Variants in DLGAP2 observed in about 807,000 individuals in gnomAD.
The protein encoded by DLGAP2 is disks large-associated protein 2.
Under a neutral mutation model 100.3 loss-of-function variants are expected in DLGAP2, and 26 were observed. That is an observed-to-expected ratio of 0.26 (90% CI 0.19 to 0.36). DLGAP2 has a LOEUF of 0.36. Ranked by LOEUF, DLGAP2 falls within the 10% of genes least tolerant of loss-of-function variation. The pLI is 1.00. For synonymous variants in DLGAP2, 886 were observed against 630.1 expected (o/e 1.41, Z -6.08); for missense variants, 1,858 against 1,453.2 (o/e 1.28, Z -4.53).
chr8:1,606,256 A>C (rs1796795441), intron 6 of DLGAP2, among the ~76,000 whole-genome samples: 1 of 152,096 alleles, frequency 6.6e-6, no homozygotes, highest in South Asian at 2.1e-4. Context: ...TTCCTCCTTT[A>C]TTGAGTTATG....
At chr8:1,093,176 A>T (rs1283232053) in intron 2 of DLGAP2, among the ~76,000 whole-genome samples, 1 of 152,172 alleles carries the variant, frequency 6.6e-6, no homozygotes. Context: ...CTTCACCCAC[A>T]GTCCACCAAT....
In DLGAP2 at chr8:774,190, A is replaced by G. The variant is rs1019572583; in HGVS notation, c.18+36365A>G. On this transcript the variant is annotated intron_variant, in intron 1 of 14. Transcript: ENST00000637795. Reference sequence around the variant, plus strand: ...CATGTCCTTCACCTACTTTTTGATGAGGTTGTTTGTTTTTTTCTTGTAAAT... The same window carrying G: ...CATGTCCTTCACCTACTTTTTGATGGGGTTGTTTGTTTTTTTCTTGTAAAT... Among the ~76,000 whole-genome samples, 23 of 151,762 alleles carry G rather than the reference A, an allele frequency of 1.5e-4. 1 individual carries two copies. The highest frequency in any genetic ancestry group is 5.8e-4 in the East Asian group (3 of 5,140).
chr8:1,548,807 G>C lies in DLGAP2; in HGVS notation c.354G>C (p.Pro118=). The change falls in exon 5 of 15, where the codon CCG becomes CCC. Residue 118 remains proline (P), a synonymous_variant. Coordinates refer to ENST00000637795, the MANE Select transcript of DLGAP2 (RefSeq NM_001346810.2). The part of the protein sequence containing the change: ...EHLHHGPDAR[P]PYLLSPADSC... ...TGCACCACGGGCCCGACGCGCGGCC[G>C]CCCTACCTGCTGAGCCCCGCCGACA... is the stretch of plus-strand genomic sequence containing the variant. The C allele has an allele frequency of 6.3e-7, 1 of 1,579,960 alleles. No homozygotes were observed. The highest frequency in any genetic ancestry group is 8.6e-7 in the Non-Finnish European group (1 of 1,167,214).
rs750780775 is a variant in DLGAP2, at chr8:1,504,637, G to C, written c.172+3206G>C. ...AGATTCCACGTGTAAGTGAGGTCACGCGGCACCTGTCTTTCTGTGCCTGGC... is the reference window on the plus strand; with the variant it reads ...AGATTCCACGTGTAAGTGAGGTCACCCGGCACCTGTCTTTCTGTGCCTGGC... On this transcript the variant is annotated intron_variant, in intron 4 of 14. Transcript: ENST00000637795. 2.0e-5 allele frequency among the ~76,000 whole-genome samples: 3 copies of C among 152,264 alleles called. No homozygotes were observed. In the East Asian group the frequency reaches 5.8e-4, roughly 29 times the overall value.
intron 5 of DLGAP2, among the ~76,000 whole-genome samples, chr8:1,558,225 G>A (rs898774247): frequency 1.3e-5 from 2 of 152,226 alleles, no homozygotes; most frequent in Non-Finnish European, 2.9e-5. Context: ...AGGGCGATAG[G>A]AGCTGGACGG....
intron 6 of DLGAP2, among the ~76,000 whole-genome samples, chr8:1,569,354 G>A (rs945895828): frequency 5.3e-5 from 8 of 152,182 alleles, no homozygotes; most frequent in South Asian, 2.1e-4. Flanking sequence ...TAAATCTGAC[G>A]CCGTGTTGTA....
intron 8 of DLGAP2, among the ~76,000 whole-genome samples, chr8:1,653,398 G>C (rs995802764): frequency 6.6e-6 from 1 of 152,182 alleles, no homozygotes; most frequent in Admixed American, 6.5e-5. Context: ...AACCGAGCCC[G>C]GGTATCCCGT....
intron 3 of DLGAP2, among the ~76,000 whole-genome samples, chr8:1,430,923 G>T (rs545265194): frequency 6.6e-6 from 1 of 152,122 alleles, no homozygotes; most frequent in Admixed American, 6.5e-5. Context: ...ATTCTGACTC[G>T]GCTGTTGACT....
chr8:855,848 A>G (rs1039560510), intron 1 of DLGAP2, among the ~76,000 whole-genome samples: 7 of 152,206 alleles, frequency 4.6e-5, no homozygotes, highest in South Asian at 2.1e-4. Context: ...AAAAAATCCA[A>G]TCCCATTAAT....
At chr8:1,273,737 C>T (rs1488686624) in intron 3 of DLGAP2, among the ~76,000 whole-genome samples, 1 of 152,200 alleles carries the variant, frequency 6.6e-6, no homozygotes, top group Non-Finnish European at 1.5e-5. Context: ...TCTAATGAAT[C>T]AGGATATCTG....
chr8:996,521 A>T (rs1231515292), intron 2 of DLGAP2, among the ~76,000 whole-genome samples: 2 of 152,178 alleles, frequency 1.3e-5, no homozygotes, highest in Non-Finnish European at 2.9e-5. Flanking sequence ...TGTCGATGGG[A>T]TGTGGCTACA....
rs148436047 is a variant in DLGAP2, at chr8:1,282,145, C to T, written c.106+23262C>T. Among the ~76,000 whole-genome samples the T allele has an allele frequency of 5.3e-3, 785 of 148,410 alleles. 3 individuals carry two copies. The highest frequency in any genetic ancestry group is 0.017 in the African/African-American group (676 of 39,820). ...CGGACATGGTGTGACCTGAACCCAG[C>T]GCATGTACCATCCAGACGTGGTGTG... On this transcript the variant is annotated intron_variant, in intron 3 of 14. Coordinates refer to ENST00000637795, the MANE Select transcript of DLGAP2 (RefSeq NM_001346810.2).
chr8:1,704,525 T>A lies in DLGAP2; in HGVS notation c.*3119T>A, dbSNP rs1291101262. On this transcript the variant is annotated 3_prime_UTR_variant, in exon 15 of 15. Transcript: ENST00000637795. Reference sequence around the variant, plus strand: ...CTCGCATCTTCACGTGTTGTTGTGTTTGAAGTAAAACTAGTTGTTATCGAT... The same window carrying A: ...CTCGCATCTTCACGTGTTGTTGTGTATGAAGTAAAACTAGTTGTTATCGAT... The A allele has an allele frequency of 6.6e-6, 1 of 152,242 alleles. No homozygotes were observed. Among genetic ancestry groups the A allele is most frequent in the South Asian group, 2.1e-4 (1 of 4,832 alleles). 9.4% of individuals were successfully genotyped at this position (152,242 alleles called of 1,614,324 possible).
At chr8:1,526,109 A>G (rs1366680543) in intron 4 of DLGAP2, among the ~76,000 whole-genome samples, 1 of 151,312 alleles carries the variant, frequency 6.6e-6, no homozygotes, top group Non-Finnish European at 1.5e-5. Context: ...TTTGGGAGTA[A>G]CAATGTAATG....
intron 2 of DLGAP2, among the ~76,000 whole-genome samples, chr8:1,180,769 T>C (rs1343445798): frequency 6.6e-6 from 1 of 150,774 alleles, no homozygotes; most frequent in African/African-American, 2.4e-5. Flanking sequence ...GCAGTACAGT[T>C]ACTGTCGAGT....
intron 3 of DLGAP2, among the ~76,000 whole-genome samples, chr8:1,343,039 T>C (rs1801454617): frequency 6.6e-6 from 1 of 152,266 alleles, no homozygotes. Context: ...CATTAATTTC[T>C]GTACTTTTTG....
At chr8:833,170 C>A (rs1446827700) in intron 1 of DLGAP2, among the ~76,000 whole-genome samples, 1 of 152,208 alleles carries the variant, frequency 6.6e-6, no homozygotes, top group Non-Finnish European at 1.5e-5. Flanking sequence ...TGTCTGAGAG[C>A]TCTGTCAGAG....
At chr8:1,641,698 A>G (rs1324033692) in intron 8 of DLGAP2, among the ~76,000 whole-genome samples, 3 of 152,138 alleles carry the variant, frequency 2.0e-5, no homozygotes, top group African/African-American at 4.8e-5. Context: ...TAAGAGTAAC[A>G]GTTACTGTAA....
At chr8:1,629,426 C>T (rs572652530) in intron 7 of DLGAP2, among the ~76,000 whole-genome samples, 8 of 152,312 alleles carry the variant, frequency 5.3e-5, no homozygotes, top group Admixed American at 2.0e-4. Context: ...CTGCTCCCAG[C>T]CAGCCCCCTG....
Sources: gnomAD v4.1 joint callset for allele counts (sites outside exome capture counted in the v4.1 genomes callset) on GRCh38, gnomAD v4.1.1 for gene constraint, MANE v1.5 for transcripts, NCBI Gene and HGNC (gene_info 2026-07-23, HGNC 2026-07-21) for gene names.